The following CAST variants were observed in gnomAD, a reference collection of about 807,000 sequenced individuals.
The protein encoded by CAST is calpastatin.
CAST carries 76 observed loss-of-function variants against 119.6 expected under a neutral mutation model. The ratio of observed to expected loss-of-function variants is 0.64; its 90% CI spans 0.53 to 0.77. CAST has a LOEUF of 0.77. Ranked by LOEUF, CAST falls within the 30% of genes least tolerant of loss-of-function variation. The pLI is 0.00. For missense variants in CAST, 953 were observed against 946.5 expected (o/e 1.01, Z -0.09); for synonymous variants, 319 against 331.6 (o/e 0.96, Z 0.41).
At position 96,708,297 on chromosome 5, in the gene CAST, A is replaced by G. The variant is rs141726084; in HGVS notation, c.210+12390A>G. ...ATTTTTCAGGATTCTTCCCTTTCATATGTTCCATCTCTTTATTTTTCTGTG... is the reference window on the plus strand; with the variant it reads ...ATTTTTCAGGATTCTTCCCTTTCATGTGTTCCATCTCTTTATTTTTCTGTG... On this transcript the variant is annotated intron_variant, in intron 3 of 31. Coordinates refer to ENST00000675179, the MANE Select transcript of CAST (RefSeq NM_001750.7). Among the ~76,000 whole-genome samples, 16 of 152,206 alleles carry G rather than the reference A, an allele frequency of 1.1e-4. 1 individual carries two copies. The East Asian group carries it at 3.1e-3, about 29-fold the overall frequency.
chr5:96,296,580 T>G, the CAST span, among the ~76,000 whole-genome samples: 1 of 152,216 alleles, frequency 6.6e-6, no homozygotes, highest in Non-Finnish European at 1.5e-5. Flanking sequence ...GCTATTTTTG[T>G]TACCTGCAAA....
chr5:96,294,725 A>T, the CAST span, among the ~76,000 whole-genome samples: 6 of 152,214 alleles, frequency 3.9e-5, no homozygotes, highest in African/African-American at 1.4e-4. Context: ...GGTTGCCAGC[A>T]TTTCGTTGAC....
At chr5:96,497,953 T>C in the CAST span, among the ~76,000 whole-genome samples, 1 of 152,264 alleles carries the variant, frequency 6.6e-6, no homozygotes, top group African/African-American at 2.4e-5. Flanking sequence ...ATGTCCTGAA[T>C]GGTATTGCCT....
At chr5:96,053,667 C>G in the CAST span, among the ~76,000 whole-genome samples, 3 of 152,176 alleles carry the variant, frequency 2.0e-5, no homozygotes, top group African/African-American at 7.2e-5. Flanking sequence ...TCACTTATGA[C>G]TTTTCACAGA....
the CAST span, among the ~76,000 whole-genome samples, chr5:96,490,110 A>G: frequency 6.6e-6 from 1 of 152,240 alleles, no homozygotes; most frequent in South Asian, 2.1e-4. Context: ...CCATATAAGT[A>G]TGATCAACAA....
At chr5:96,552,845 C>T (rs551366054) in intron 1 of CAST, among the ~76,000 whole-genome samples, 4 of 152,248 alleles carry the variant, frequency 2.6e-5, no homozygotes, top group South Asian at 2.1e-4. Flanking sequence ...ATACACCCTC[C>T]CAAGACTAAA....
intron 1 of CAST, among the ~76,000 whole-genome samples, chr5:96,650,828 G>A (rs1748085737): frequency 6.6e-6 from 1 of 151,664 alleles, no homozygotes; most frequent in African/African-American, 2.4e-5. Flanking sequence ...ACTCAAAACA[G>A]TCTTTACTGC....
chr5:95,969,763 G>T, the CAST span, among the ~76,000 whole-genome samples: 1 of 152,164 alleles, frequency 6.6e-6, no homozygotes, highest in African/African-American at 2.4e-5. Context: ...AGGGAATCAG[G>T]AGAAAGACCT....
chr5:96,478,035 ATATAAG>A, the CAST span, among the ~76,000 whole-genome samples: 8 of 152,204 alleles, frequency 5.3e-5, no homozygotes, highest in African/African-American at 1.2e-4. Flanking sequence ...TTAAGCAGAG[ATATAAG>A]TATATTTCTG....
the CAST span, among the ~76,000 whole-genome samples, chr5:96,276,044 C>T: frequency 0.021 from 3,264 of 152,288 alleles, 132 homozygotes; most frequent in African/African-American, 0.076. Flanking sequence ...TGGTCTTCTT[C>T]GTGAAACTGA....
At chr5:95,999,223 A>G in the CAST span, among the ~76,000 whole-genome samples, 2 of 152,158 alleles carry the variant, frequency 1.3e-5, no homozygotes, top group African/African-American at 4.8e-5. Flanking sequence ...TATAAATGGA[A>G]TTATGTGACA....
At chr5:96,039,765 G>A in the CAST span, among the ~76,000 whole-genome samples, 1 of 152,148 alleles carries the variant, frequency 6.6e-6, no homozygotes, top group Admixed American at 6.5e-5. Flanking sequence ...ATGCTGTTTT[G>A]GTTACTGTAG....
chr5:96,222,801 T>C, the CAST span, among the ~76,000 whole-genome samples: 1 of 152,134 alleles, frequency 6.6e-6, no homozygotes, highest in South Asian at 2.1e-4. Flanking sequence ...ATCAGAGTGA[T>C]ACCTGCACCC....
the CAST span, among the ~76,000 whole-genome samples, chr5:96,437,943 A>T: frequency 6.6e-6 from 1 of 152,214 alleles, no homozygotes; most frequent in Non-Finnish European, 1.5e-5. Context: ...TACTACCTCC[A>T]GTCAAGCATG....
At chr5:96,263,292 A>G in the CAST span, among the ~76,000 whole-genome samples, 1 of 151,968 alleles carries the variant, frequency 6.6e-6, no homozygotes, top group Non-Finnish European at 1.5e-5. Flanking sequence ...AGATAGGTAG[A>G]TCTGTGGGTG....
At chr5:96,137,265 G>C in the CAST span, among the ~76,000 whole-genome samples, 21 of 152,238 alleles carry the variant, frequency 1.4e-4, no homozygotes, top group East Asian at 3.7e-3. Flanking sequence ...GAATCATAGA[G>C]TAAGTCTTCT....
At chr5:96,568,395 T>C (rs1205652719) in intron 1 of CAST, among the ~76,000 whole-genome samples, 4 of 151,846 alleles carry the variant, frequency 2.6e-5, no homozygotes, top group African/African-American at 9.7e-5. Flanking sequence ...TAGAACCTTA[T>C]CTCTATTAAA....
chr5:96,247,307 G>A, the CAST span, among the ~76,000 whole-genome samples: 1 of 152,242 alleles, frequency 6.6e-6, no homozygotes, highest in Non-Finnish European at 1.5e-5. Flanking sequence ...TCCTGGGAGT[G>A]AGGGTTCCAA....
At chr5:96,663,204 G>A (rs1748822505) in intron 1 of CAST, 3 of 702,612 alleles carry the variant, frequency 4.3e-6, no homozygotes, top group Non-Finnish European at 7.8e-6. Flanking sequence ...GGACCCGGAA[G>A]GGAGTGTGTT....
Sources: allele counts gnomAD v4.1 joint callset (sites outside exome capture counted in the v4.1 genomes callset), GRCh38; gene constraint gnomAD v4.1.1; transcripts MANE v1.5; gene names NCBI Gene and HGNC (gene_info 2026-07-23, HGNC 2026-07-21).